HIBCH: variants seen among roughly 807,000 people sequenced by gnomAD.
HIBCH encodes the protein 3-hydroxyisobutyryl-CoA hydrolase, also known as 3-hydroxyisobutyryl-CoA hydrolase, mitochondrial.
HIBCH carries 50 observed loss-of-function variants against 58.2 expected under a neutral mutation model. The observed-to-expected ratio is 0.86, with a 90% CI of 0.68 to 1.09. The LOEUF (loss-of-function observed/expected upper bound fraction) is 1.09, where lower values mean the gene tolerates loss of function less well. HIBCH is among the 50% of genes least tolerant of loss of function. The probability of loss-of-function intolerance (pLI) is 0.00; values close to 1 mark genes in which losing one functional copy is unlikely to be tolerated. For synonymous variants in HIBCH, 151 were observed against 146.9 expected (o/e 1.03, Z -0.20); for missense variants, 450 against 449.7 (o/e 1.00, Z -0.01).
At position 190,258,615 on chromosome 2, in the gene HIBCH, A is replaced by G. The variant is rs542040210; in HGVS notation, c.517+2541T>C. 7.9e-5 allele frequency among the ~76,000 whole-genome samples: 12 copies of G among 152,338 alleles called. 1 individual carries two copies. In the South Asian group the frequency reaches 2.5e-3, roughly 32 times the overall value. The stretch of plus-strand genomic sequence containing the variant: ...CTGGATGTTGGATAGATTCAACAAC[A>G]TGTGTATATACGACAACAATCGTAT... On this transcript the variant is annotated intron_variant, in intron 7 of 13. Transcript: ENST00000359678.
chr2:190,251,505 T>C (rs886105110), intron 8 of HIBCH: 1 of 443,146 alleles, frequency 2.3e-6, no homozygotes, highest in Non-Finnish European at 4.6e-6. Flanking sequence ...TTGGGTCTTC[T>C]GCCACATGTA....
At chr2:190,311,854 T>G (rs1388993879) in intron 1 of HIBCH, among the ~76,000 whole-genome samples, 8 of 152,208 alleles carry the variant, frequency 5.3e-5, no homozygotes, top group Non-Finnish European at 1.0e-4. Flanking sequence ...TTCTATTTTT[T>G]GCTGTCTTAA....
At chr2:190,259,319 A>ATGTATG (rs1553501619) in intron 7 of HIBCH, among the ~76,000 whole-genome samples, 3 of 122,116 alleles carry the variant, frequency 2.5e-5, no homozygotes, top group Non-Finnish European at 5.1e-5. Flanking sequence ...CAGTATACAG[A>ATGTATG]TGTGTGTGTG....
intron 6 of HIBCH, among the ~76,000 whole-genome samples, chr2:190,266,235 A>G (rs1180006794): frequency 6.6e-6 from 1 of 152,234 alleles, no homozygotes; most frequent in Non-Finnish European, 1.5e-5. Flanking sequence ...TACTGAGTGC[A>G]TGTTCATTAG....
intron 11 of HIBCH, among the ~76,000 whole-genome samples, chr2:190,240,357 A>AT (rs1686414503): frequency 6.6e-6 from 1 of 152,018 alleles, no homozygotes; most frequent in Non-Finnish European, 1.5e-5. Context: ...CCCCTTTATC[A>AT]TTTTTTATTG....
At position 190,319,807 on chromosome 2, in the gene HIBCH, G is replaced by A. The variant is rs908377265; in HGVS notation, c.-57C>T. On this transcript the variant is annotated 5_prime_UTR_variant, in exon 1 of 14. Coordinates refer to ENST00000359678, the MANE Select transcript of HIBCH (RefSeq NM_014362.4). ...CGAGAATCTCCCGGACCGTTCCAGC[G>A]CCTCGCGTGAGCCCCGCCCACCGCC... The A allele has an allele frequency of 1.3e-6, 2 of 1,583,070 alleles. No homozygotes were observed. The highest frequency in any genetic ancestry group is 1.8e-5 in the Admixed American group (1 of 55,748).
rs534835131 is a variant in HIBCH at position 190,300,513 on chromosome 2, G to A, written c.79-3560C>T. On this transcript the variant is annotated intron_variant, in intron 2 of 13. Transcript: ENST00000359678. ...TGTACTTTGCCCATTTTTTAATGGG[G>A]TTGTTTTTTTCTTATAAATTTAAGT... 2.0e-3 allele frequency among the ~76,000 whole-genome samples: 298 copies of A among 151,822 alleles called. 2 individuals carry two copies. The highest frequency in any genetic ancestry group is 6.9e-3 in the African/African-American group (284 of 41,422).
intron 11 of HIBCH, among the ~76,000 whole-genome samples, chr2:190,218,675 C>T (rs1685632755): frequency 1.3e-5 from 2 of 152,226 alleles, no homozygotes; most frequent in Non-Finnish European, 2.9e-5. Flanking sequence ...TACGCATGCT[C>T]TGCTGGGCGG....
At chr2:190,239,653 T>TG (rs1008967649) in intron 11 of HIBCH, among the ~76,000 whole-genome samples, 10 of 148,774 alleles carry the variant, frequency 6.7e-5, no homozygotes, top group Non-Finnish European at 1.0e-4. Flanking sequence ...TGTAGTTTTT[T>TG]TTTTTTTTTT....
Position 190,301,875 on chromosome 2 carries a change from G to T in HIBCH, c.79-4922C>A, listed in dbSNP as rs115289916. On this transcript the variant is annotated intron_variant, in intron 2 of 13. Coordinates refer to ENST00000359678, the MANE Select transcript of HIBCH (RefSeq NM_014362.4). ...ACTCCCTTCAACCTCTTTTATAAGAGTACTAATCCTGTGACAGTGGGGTGC... is the reference window on the plus strand; with the variant it reads ...ACTCCCTTCAACCTCTTTTATAAGATTACTAATCCTGTGACAGTGGGGTGC... Among the ~76,000 whole-genome samples the T allele has an allele frequency of 6.7e-3, 1,027 of 152,252 alleles. 13 individuals carry two copies. Among genetic ancestry groups the T allele is most frequent in the African/African-American group, 0.022 (933 of 41,538 alleles).
In HIBCH at chr2:190,210,085, CT is replaced by C. The variant is rs1236452011; in HGVS notation, c.1012-1173del. 6.6e-6 allele frequency among the ~76,000 whole-genome samples: 1 copy of C among 152,120 alleles called. No individual in the cohort carries two copies. Among genetic ancestry groups the C allele is most frequent in the Non-Finnish European group, 1.5e-5 (1 of 68,024 alleles). ...TCCATCTTACAAAATAAAAAAGGAA[CT>C]TCATTTGATTCCACAGTCCCAGCTT... On this transcript the variant is annotated intron_variant, in intron 12 of 13. Transcript: ENST00000359678. The surrounding 1 kb of genome is among the most constrained non-coding windows in gnomAD (Gnocchi z 5.5).
intron 1 of HIBCH, among the ~76,000 whole-genome samples, chr2:190,194,764 T>A (rs1689890830): frequency 6.6e-6 from 1 of 151,984 alleles, no homozygotes; most frequent in Admixed American, 6.6e-5. Context: ...TTCTAGAATG[T>A]CATATAGTTG....
intron 11 of HIBCH, among the ~76,000 whole-genome samples, chr2:190,221,523 G>C (rs1685719104): frequency 6.6e-6 from 1 of 152,186 alleles, no homozygotes; most frequent in Non-Finnish European, 1.5e-5. Context: ...AGGAAACCTG[G>C]CTCTGATACT....
At position 190,306,906 on chromosome 2, in the gene HIBCH, A is replaced by G. The variant is rs1688422564; in HGVS notation, c.78+3848T>C. Among the ~76,000 whole-genome samples the G allele has an allele frequency of 6.6e-6, 1 of 152,216 alleles. No individual in the cohort carries two copies. Among genetic ancestry groups the G allele is most frequent in the Non-Finnish European group, 1.5e-5 (1 of 68,030 alleles). The stretch of plus-strand genomic sequence containing the variant: ...CCTTCTACCACAAGAGGACAGAGAG[A>G]TAAGATGGCCAACAAGGCTGTCTAT... On this transcript the variant is annotated intron_variant, in intron 2 of 13. Coordinates refer to ENST00000359678, the MANE Select transcript of HIBCH (RefSeq NM_014362.4). This position sits in a 1 kb window ranked among gnomAD's most constrained non-coding sequence, Gnocchi z 4.6.
In HIBCH at chr2:190,213,043, C is replaced by T; in HGVS notation, c.924G>A (p.Lys308=). 1.9e-6 allele frequency: 3 copies of T among 1,609,596 alleles called. No individual in the cohort carries two copies. Among genetic ancestry groups the T allele is most frequent in the Non-Finnish European group, 2.6e-6 (3 of 1,176,166 alleles). The stretch of plus-strand genomic sequence containing the variant: ...CCTCCATGAGTTGCCTTAGTGTGAT[C>T]TTTAGAGATGTTGGAGACATTTTAT... ...VINKMSPTSL[K]ITLRQLMEGS... The change falls in exon 12 of 14, where the codon AAG becomes AAA. Residue 308 remains lysine (K), a synonymous_variant. Transcript: ENST00000359678.
intron 6 of HIBCH, among the ~76,000 whole-genome samples, chr2:190,287,314 G>A (rs1687855394): frequency 1.3e-5 from 2 of 152,066 alleles, no homozygotes; most frequent in South Asian, 2.1e-4. Flanking sequence ...TGCCCACCTT[G>A]GCCTCCCAAA....
Position 190,243,421 on chromosome 2 carries a change from C to T in HIBCH, c.891+1466G>A, listed in dbSNP as rs2105931865. 6.6e-6 allele frequency among the ~76,000 whole-genome samples: 1 copy of T among 152,334 alleles called. No individual in the cohort carries two copies. ...TACTTAATAAACTCCCCTTTATATACATATCTCCTATTAGTTCTTTCCCTC... is the reference window on the plus strand; with the variant it reads ...TACTTAATAAACTCCCCTTTATATATATATCTCCTATTAGTTCTTTCCCTC... On this transcript the variant is annotated intron_variant, in intron 11 of 13. Coordinates refer to ENST00000359678, the MANE Select transcript of HIBCH (RefSeq NM_014362.4). The surrounding 1 kb of genome is among the most constrained non-coding windows in gnomAD (Gnocchi z 4.1).
At chr2:190,269,928 CATGG>C (rs1383810352) in intron 6 of HIBCH, among the ~76,000 whole-genome samples, 1 of 152,028 alleles carries the variant, frequency 6.6e-6, no homozygotes, top group Non-Finnish European at 1.5e-5. Context: ...TTTGCAGGGA[CATGG>C]ATGAAGCTGG....
At chr2:190,296,746 C>A (rs1688112635) in intron 3 of HIBCH, 67 bp downstream of exon 3, 3 of 1,384,268 alleles carry the variant, frequency 2.2e-6, no homozygotes, top group Middle Eastern at 1.8e-4. Context: ...GGAGAAAATA[C>A]CAGAAATGTC....
Sources: gnomAD v4.1 joint callset for allele counts (sites outside exome capture counted in the v4.1 genomes callset) on GRCh38, gnomAD v4.1.1 for gene constraint, Gnocchi (gnomAD v3.1) non-coding constraint, MANE v1.5 for transcripts, NCBI Gene and HGNC (gene_info 2026-07-23, HGNC 2026-07-21) for gene names.